GALNTL6: variants seen among roughly 807,000 people sequenced by gnomAD.
GALNTL6 encodes polypeptide N-acetylgalactosaminyltransferase-like 6.
Under a neutral mutation model 73.7 loss-of-function variants are expected in GALNTL6, and 46 were observed. The observed-to-expected ratio is 0.62, with a 90% CI of 0.49 to 0.80. GALNTL6 has a LOEUF of 0.80. Among genes scored for constraint, GALNTL6 ranks in the 30% least tolerant of loss-of-function variants. The pLI, the probability that GALNTL6 is intolerant of heterozygous loss-of-function variation, is 0.00. For synonymous variants in GALNTL6, 259 were observed against 263.7 expected (o/e 0.98, Z 0.17); for missense variants, 604 against 755.0 (o/e 0.80, Z 2.34).
At chr4:172,675,319 TC>T in intron 5 of GALNTL6, among the ~76,000 whole-genome samples, 1 of 152,300 alleles carries the variant, frequency 6.6e-6, no homozygotes, top group East Asian at 1.9e-4. Flanking sequence ...GTTCACTGGC[TC>T]CCCAAGGTTT....
chr4:172,390,447 T>A (rs1743623980), intron 5 of GALNTL6, among the ~76,000 whole-genome samples: 1 of 152,224 alleles, frequency 6.6e-6, no homozygotes, highest in Non-Finnish European at 1.5e-5. Context: ...AAACAATTGA[T>A]AAGTTTTAAA....
In GALNTL6 at chr4:171,822,018, G is replaced by A. The variant is rs1006784417; in HGVS notation, c.138+7300G>A. ...TTTTAATAAAAAAGAAAAGAAAAAA[G>A]GCAATATTTCTTTGTAGTGACTACT... On this transcript the variant is annotated intron_variant, in intron 2 of 12. Coordinates refer to ENST00000506823, the MANE Select transcript of GALNTL6 (RefSeq NM_001034845.3). Among the ~76,000 whole-genome samples the A allele has an allele frequency of 4.6e-4, 70 of 152,054 alleles. 1 individual carries two copies. Among genetic ancestry groups the A allele is most frequent in the Admixed American group, 1.2e-3 (19 of 15,274 alleles).
At chr4:172,652,675 TC>T (rs1291617834) in intron 5 of GALNTL6, among the ~76,000 whole-genome samples, 1 of 152,194 alleles carries the variant, frequency 6.6e-6, no homozygotes, top group East Asian at 1.9e-4. Flanking sequence ...ACATGTCCTC[TC>T]ATCTTTCCTT....
At chr4:172,208,956 A>G (rs888458785) in intron 2 of GALNTL6, among the ~76,000 whole-genome samples, 1 of 152,168 alleles carries the variant, frequency 6.6e-6, no homozygotes. Flanking sequence ...ATTTTCAAGC[A>G]TAAATAATTG....
chr4:172,897,504 C>T (rs750133151), intron 8 of GALNTL6, among the ~76,000 whole-genome samples: 1 of 152,202 alleles, frequency 6.6e-6, no homozygotes, highest in Non-Finnish European at 1.5e-5. Context: ...ACCCAATAAG[C>T]TAACGTGCGA....
intron 2 of GALNTL6, among the ~76,000 whole-genome samples, chr4:171,903,580 AT>A (rs1737177356): frequency 7.2e-6 from 1 of 139,242 alleles, no homozygotes. Flanking sequence ...GGCGCCCGCC[AT>A]TGTCCAGGCT....
intron 2 of GALNTL6, among the ~76,000 whole-genome samples, chr4:172,147,383 T>G (rs1036300625): frequency 6.6e-6 from 1 of 152,232 alleles, no homozygotes; most frequent in African/African-American, 2.4e-5. Context: ...CAAATGACCA[T>G]GGGTTTGGCC....
chr4:172,845,227 AAAAAAAAGAAAAAG>A, intron 7 of GALNTL6, among the ~76,000 whole-genome samples: 1 of 148,322 alleles, frequency 6.7e-6, no homozygotes, highest in African/African-American at 2.6e-5. Flanking sequence ...AAAAAAAAAA[AAAAAAAAGAAAAAG>A]AAAAAGAAAA....
intron 2 of GALNTL6, among the ~76,000 whole-genome samples, chr4:171,896,994 G>A (rs1383070694): frequency 1.3e-5 from 2 of 150,138 alleles, no homozygotes; most frequent in African/African-American, 2.5e-5. Context: ...ATCAATAATA[G>A]ACCGCAATCC....
intron 2 of GALNTL6, among the ~76,000 whole-genome samples, chr4:172,091,184 T>G (rs1732193586): frequency 6.6e-6 from 1 of 152,174 alleles, no homozygotes; most frequent in African/African-American, 2.4e-5. Flanking sequence ...TAAGACAAAT[T>G]TATTTGCAAA....
chr4:172,139,903 C>CA (rs942602308), intron 2 of GALNTL6, among the ~76,000 whole-genome samples: 1 of 151,796 alleles, frequency 6.6e-6, no homozygotes, highest in Non-Finnish European at 1.5e-5. Context: ...GTGTTAATAC[C>CA]AAAAAAACTT....
At chr4:172,209,930 T>A (rs1736270077) in intron 2 of GALNTL6, among the ~76,000 whole-genome samples, 1 of 152,086 alleles carries the variant, frequency 6.6e-6, no homozygotes, top group Non-Finnish European at 1.5e-5. Context: ...TATCATCATC[T>A]AAATGCAAAC....
chr4:172,748,467 A>G (rs1737237283), intron 5 of GALNTL6, among the ~76,000 whole-genome samples: 1 of 152,184 alleles, frequency 6.6e-6, no homozygotes, highest in Admixed American at 6.5e-5. Flanking sequence ...AGTCAAGAAT[A>G]TATTTTTTTT....
At chr4:173,038,455 G>T (rs912919347) in intron 12 of GALNTL6, among the ~76,000 whole-genome samples, 2 of 152,176 alleles carry the variant, frequency 1.3e-5, no homozygotes, top group Non-Finnish European at 2.9e-5. Context: ...AGGGAGGAGA[G>T]AGTTTCTCAG....
At chr4:172,253,735 C>A (rs1737960495) in intron 3 of GALNTL6, among the ~76,000 whole-genome samples, 1 of 151,858 alleles carries the variant, frequency 6.6e-6, no homozygotes, top group Admixed American at 6.6e-5. Flanking sequence ...ATATAATCAG[C>A]ACATCAAATA....
chr4:172,138,497 ATATATATATATATATATTTTTTTTTTTTT>A (rs1560938256), intron 2 of GALNTL6, among the ~76,000 whole-genome samples: 4 of 6,904 alleles, frequency 5.8e-4, no homozygotes, highest in African/African-American at 1.8e-3. Context: ...ATATATATAT[ATATATATATATATATATTTTTTTTTTTTT>A]TTTTTTTTTT....
At chr4:172,710,821 T>A (rs1734658953) in intron 5 of GALNTL6, among the ~76,000 whole-genome samples, 1 of 152,104 alleles carries the variant, frequency 6.6e-6, no homozygotes, top group Non-Finnish European at 1.5e-5. Context: ...CCCAAATGAG[T>A]GCTAGAAGAA....
At chr4:172,917,847 C>T (rs1397537341) in intron 8 of GALNTL6, among the ~76,000 whole-genome samples, 1 of 152,158 alleles carries the variant, frequency 6.6e-6, no homozygotes, top group Non-Finnish European at 1.5e-5. Flanking sequence ...GTGGAGATTC[C>T]TCAAGGATCT....
chr4:172,484,038 G>T (rs1321582233), intron 5 of GALNTL6, among the ~76,000 whole-genome samples: 1 of 152,148 alleles, frequency 6.6e-6, no homozygotes, highest in East Asian at 1.9e-4. Context: ...GGGTTTGTGG[G>T]GGTCTCTAAG....
Sources: allele counts gnomAD v4.1 joint callset (sites outside exome capture counted in the v4.1 genomes callset), GRCh38; gene constraint gnomAD v4.1.1; transcripts MANE v1.5; gene names NCBI Gene and HGNC (gene_info 2026-07-23, HGNC 2026-07-21).